The following GHR variants were observed in gnomAD, a reference collection of about 807,000 sequenced individuals.
GHR encodes growth hormone receptor.
GHR carries 35 observed loss-of-function variants against 67.1 expected under a neutral mutation model. The ratio of observed to expected loss-of-function variants is 0.52; its 90% CI spans 0.40 to 0.69. GHR has a LOEUF of 0.69. GHR is among the 30% of genes least tolerant of loss of function. The pLI is 0.00. For missense variants in GHR, 792 were observed against 764.6 expected, an observed-to-expected ratio of 1.04 and a Z score of -0.42; for synonymous variants, 272 against 269.1, an observed-to-expected ratio of 1.01 and a Z score of -0.10.
rs752208959 is a variant in GHR at position 42,448,446 on chromosome 5, GT to G, written c.-12+24498del. Among the ~76,000 whole-genome samples, 4 of 151,594 alleles carry G rather than the reference GT, an allele frequency of 2.6e-5. No individual in the cohort carries two copies. The East Asian group carries it at 7.7e-4, about 29-fold the overall frequency. On this transcript the variant is annotated intron_variant, in intron 1 of 9. Coordinates refer to ENST00000230882, the MANE Select transcript of GHR (RefSeq NM_000163.5). ...TGCCCACTTTTTGATGGGATTATTT[GT>G]TTTTTTCTTGCTAATTTGTTTGAGT...
At chr5:42,485,390 C>G (rs1012982738) in intron 1 of GHR, among the ~76,000 whole-genome samples, 1 of 152,204 alleles carries the variant, frequency 6.6e-6, no homozygotes, top group African/African-American at 2.4e-5. Context: ...ATACCCCCAT[C>G]ATAGCCTTCA....
rs184730435 is a variant in GHR at position 42,572,524 on chromosome 5, C to T, written c.70+6580C>T. Among the ~76,000 whole-genome samples the T allele has an allele frequency of 2.5e-4, 38 of 152,286 alleles. No individual in the cohort carries two copies. The East Asian group carries it at 3.7e-3, about 15-fold the overall frequency. ...TTGAAATCTGATGCAATTGACCCTA[C>T]GAAGAGAGTATTCCTTAGTGCCCTG... On this transcript the variant is annotated intron_variant, in intron 2 of 9. Transcript: ENST00000230882.
intron 2 of GHR, among the ~76,000 whole-genome samples, chr5:42,597,645 C>T (rs899907231): frequency 1.3e-5 from 2 of 152,202 alleles, no homozygotes; most frequent in African/African-American, 4.8e-5. Context: ...GAATGGCTTG[C>T]TTACATTCAG....
At chr5:42,569,770 T>C (rs1386326773) in intron 2 of GHR, among the ~76,000 whole-genome samples, 1 of 149,944 alleles carries the variant, frequency 6.7e-6, no homozygotes, top group Non-Finnish European at 1.5e-5. Flanking sequence ...ATGTATATAG[T>C]ATATGTATGT....
intron 2 of GHR, among the ~76,000 whole-genome samples, chr5:42,599,460 C>T (rs1752253131): frequency 6.8e-6 from 1 of 147,676 alleles, no homozygotes; most frequent in Non-Finnish European, 1.5e-5. Context: ...CTCCCGGGTT[C>T]AAGCAATTCC....
At chr5:42,651,492 A>G (rs2112825087) in intron 3 of GHR, among the ~76,000 whole-genome samples, 1 of 152,316 alleles carries the variant, frequency 6.6e-6, no homozygotes, top group African/African-American at 2.4e-5. Context: ...GCCAAGAGAC[A>G]GGCTTCTCTC....
intron 1 of GHR, among the ~76,000 whole-genome samples, chr5:42,457,407 A>G (rs918613110): frequency 6.6e-6 from 1 of 152,228 alleles, no homozygotes; most frequent in African/African-American, 2.4e-5. Context: ...TAATAAAAAT[A>G]ACACACTTAT....
At position 42,686,239 on chromosome 5, in the gene GHR, A is replaced by G. The variant is rs142204940; in HGVS notation, c.137-2651A>G. ...CTTGTTTTTGTCAGGTTTGTCAAAG[A>G]TCAAATGGTTGTGGATGTGTGGTGT... is the stretch of plus-strand genomic sequence containing the variant. On this transcript the variant is annotated intron_variant, in intron 3 of 9. Transcript: ENST00000230882. Among the ~76,000 whole-genome samples, 830 of 152,288 alleles carry G rather than the reference A, an allele frequency of 5.5e-3. 4 individuals carry two copies. The highest frequency in any genetic ancestry group is 1.0e-2 in the Non-Finnish European group (678 of 68,022).
At chr5:42,670,715 T>C (rs529511968) in intron 3 of GHR, among the ~76,000 whole-genome samples, 2 of 152,002 alleles carry the variant, frequency 1.3e-5, no homozygotes, top group African/African-American at 4.8e-5. Flanking sequence ...GGGATAGCAT[T>C]GGGAGATACA....
chr5:42,509,969 T>C (rs753866455), intron 1 of GHR, among the ~76,000 whole-genome samples: 17 of 152,220 alleles, frequency 1.1e-4, no homozygotes, highest in Non-Finnish European at 2.4e-4. Flanking sequence ...CTCTGAATTC[T>C]AGACATTTCT....
At chr5:42,620,008 T>A (rs768743007) in intron 2 of GHR, among the ~76,000 whole-genome samples, 1 of 152,164 alleles carries the variant, frequency 6.6e-6, no homozygotes, top group African/African-American at 2.4e-5. Flanking sequence ...TGCTGCTGCA[T>A]GCAAAACCAG....
intron 1 of GHR, among the ~76,000 whole-genome samples, chr5:42,458,099 T>C (rs2112031694): frequency 6.6e-6 from 1 of 152,362 alleles, no homozygotes; most frequent in East Asian, 1.9e-4. Flanking sequence ...TAGCAACAAC[T>C]ATCCATAGAG....
At chr5:42,467,752 A>G (rs1254579588) in intron 1 of GHR, 1 of 1,553,368 alleles carries the variant, frequency 6.4e-7, no homozygotes, top group African/African-American at 1.4e-5. Flanking sequence ...TCTCTGATGC[A>G]CAACGAGGTT....
At chr5:42,468,878 G>T in intron 1 of GHR, 1 of 801,914 alleles carries the variant, frequency 1.2e-6, no homozygotes, top group South Asian at 2.1e-5. Flanking sequence ...ATGGTTGCTC[G>T]GCGGCACATT....
At chr5:42,535,062 T>C (rs112186090) in intron 1 of GHR, among the ~76,000 whole-genome samples, 68 of 152,282 alleles carry the variant, frequency 4.5e-4, no homozygotes, top group African/African-American at 1.6e-3. Context: ...ATATTAGTCC[T>C]TTTTCAGACG....
intron 1 of GHR, among the ~76,000 whole-genome samples, chr5:42,524,257 G>A (rs1052732264): frequency 5.3e-5 from 8 of 152,182 alleles, no homozygotes; most frequent in Middle Eastern, 3.2e-3. Flanking sequence ...GCCTGATAAC[G>A]ATATGGACAA....
At chr5:42,455,764 A>G (rs1242216698) in intron 1 of GHR, among the ~76,000 whole-genome samples, 2 of 152,184 alleles carry the variant, frequency 1.3e-5, no homozygotes, top group South Asian at 2.1e-4. Context: ...CTGGAGAAAT[A>G]TTTTACAAAC....
intron 1 of GHR, among the ~76,000 whole-genome samples, chr5:42,493,290 T>C (rs1746191724): frequency 6.6e-6 from 1 of 152,190 alleles, no homozygotes; most frequent in African/African-American, 2.4e-5. Flanking sequence ...AGGAGTTTGG[T>C]ATTATCATAT....
chr5:42,484,080 G>A (rs1213230433), intron 1 of GHR, among the ~76,000 whole-genome samples: 1 of 152,160 alleles, frequency 6.6e-6, no homozygotes, highest in Non-Finnish European at 1.5e-5. Flanking sequence ...CCAGCACATG[G>A]ATGGATCATG....
Sources: allele counts gnomAD v4.1 joint callset (sites outside exome capture counted in the v4.1 genomes callset), GRCh38; gene constraint gnomAD v4.1.1; transcripts MANE v1.5; gene names NCBI Gene and HGNC (gene_info 2026-07-23, HGNC 2026-07-21).